The following PATJ variants were observed in gnomAD, a reference collection of about 807,000 sequenced individuals.
PATJ encodes PATJ crumbs cell polarity complex component.
PATJ carries 190 observed loss-of-function variants against 224.9 expected under a neutral mutation model. The observed-to-expected ratio is 0.84, with a 90% CI of 0.75 to 0.95. The LOEUF (loss-of-function observed/expected upper bound fraction) is 0.95, where lower values mean the gene tolerates loss of function less well. PATJ is among the 40% of genes least tolerant of loss of function. The probability of loss-of-function intolerance (pLI) is 0.00; values close to 1 mark genes in which losing one functional copy is unlikely to be tolerated. For missense variants in PATJ, 2,121 were observed against 2,270.3 expected (o/e 0.93, Z 1.34); for synonymous variants, 769 against 820.3 (o/e 0.94, Z 1.07).
rs896510598 is a variant in PATJ, at chr1:62,125,259, A to C, written c.5043+2201A>C. Among the ~76,000 whole-genome samples the C allele has an allele frequency of 7.8e-3, 888 of 113,168 alleles. 24 individuals carry two copies. Among genetic ancestry groups the C allele is most frequent in the African/African-American group, 0.018 (493 of 27,710 alleles). The allele number at this position is 113,168 out of a possible 152,430, so 74.2% of individuals were successfully genotyped here. A position where few individuals can be genotyped will look rare whatever the true frequency, so the allele number is the denominator to read the frequency against. On this transcript the variant is annotated intron_variant, in intron 39 of 43. Transcript: ENST00000642238. The stretch of plus-strand genomic sequence containing the variant: ...CTCAAAAAAAAAAAAAAAAACAAAA[A>C]AAAACAAAAAAAAAACGCCATTAGC...
rs187536203 is a variant in PATJ, at chr1:62,124,321, G to T, written c.5043+1263G>T. 1.2e-4 allele frequency among the ~76,000 whole-genome samples: 18 copies of T among 152,096 alleles called. No individual in the cohort carries two copies. In the East Asian group the frequency reaches 3.1e-3, roughly 26 times the overall value. Reference sequence around the variant, plus strand: ...TGGTCTCGAACTCCTGCCCTCAATCGATCCGACCACCTCAGCCTTCTGAAG... The same window carrying T: ...TGGTCTCGAACTCCTGCCCTCAATCTATCCGACCACCTCAGCCTTCTGAAG... On this transcript the variant is annotated intron_variant, in intron 39 of 43. Transcript: ENST00000642238.
At chr1:61,888,358 C>T (rs571622949) in intron 22 of PATJ, among the ~76,000 whole-genome samples, 1 of 152,256 alleles carries the variant, frequency 6.6e-6, no homozygotes, top group African/African-American at 2.4e-5. Context: ...CTCACTGCAA[C>T]CTCCGCTTCC....
At chr1:62,157,840 AAAAAAAAAAAAAAAAT>A (rs1669395562) in intron 43 of PATJ, among the ~76,000 whole-genome samples, 2 of 124,972 alleles carry the variant, frequency 1.6e-5, no homozygotes, top group East Asian at 2.2e-4. Context: ...CCAAAAAAAA[AAAAAAAAAAAAAAAAT>A]AATCCAAGCC....
In PATJ at chr1:62,113,736, T is replaced by C. The variant is rs80353104; in HGVS notation, c.4462-317T>C. On this transcript the variant is annotated intron_variant, in intron 34 of 43. Transcript: ENST00000642238. The stretch of plus-strand genomic sequence containing the variant: ...CATTAATAGTTATTTCCCTTTTATC[T>C]CAATTAAATGAGCTAGTTAAGTCCC... Among the ~76,000 whole-genome samples, 471 of 152,358 alleles carry C rather than the reference T, an allele frequency of 3.1e-3. 16 individuals carry two copies. In the East Asian group the frequency reaches 0.08, roughly 26 times the overall value.
chr1:61,924,047 C>T (rs940608828), intron 26 of PATJ, among the ~76,000 whole-genome samples: 16 of 151,416 alleles, frequency 1.1e-4, no homozygotes, highest in African/African-American at 3.6e-4. Context: ...TTTTGCATTA[C>T]GTAGAGTGAA....
rs558553078 is a variant in PATJ at position 61,747,950 on chromosome 1, T to G, written c.-36+5395T>G. On this transcript the variant is annotated intron_variant, in intron 1 of 43. Transcript: ENST00000642238. ...TTTTTTGAGACACAGTTTCACTCTG[T>G]TGCGAAGGCTGGAGCCGCCTCCTGG... is the stretch of plus-strand genomic sequence containing the variant. 1.8e-3 allele frequency among the ~76,000 whole-genome samples: 267 copies of G among 152,360 alleles called. 2 individuals are homozygous for G. The highest frequency in any genetic ancestry group is 0.01 in the Middle Eastern group (3 of 294).
At chr1:61,853,316 C>T (rs1295129541) in intron 17 of PATJ, among the ~76,000 whole-genome samples, 2 of 152,056 alleles carry the variant, frequency 1.3e-5, no homozygotes, top group Non-Finnish European at 2.9e-5. Context: ...TTTTGAAAAC[C>T]TCCTCACCTA....
intron 31 of PATJ, among the ~76,000 whole-genome samples, chr1:62,074,625 G>T (rs973035093): frequency 6.6e-6 from 1 of 152,074 alleles, no homozygotes; most frequent in African/African-American, 2.4e-5. Context: ...TTTAAAAGCA[G>T]GTTTTGCTTG....
chr1:61,806,695 A>G (rs553019430), intron 13 of PATJ, among the ~76,000 whole-genome samples: 2 of 151,830 alleles, frequency 1.3e-5, no homozygotes, highest in African/African-American at 4.8e-5. Context: ...GTCAGTTCTC[A>G]TGAGCTGCTG....
intron 30 of PATJ, among the ~76,000 whole-genome samples, chr1:62,039,942 G>T (rs187450836): frequency 1.9e-3 from 286 of 151,898 alleles, no homozygotes; most frequent in Admixed American, 3.7e-3. Flanking sequence ...CTGGTTGGGG[G>T]GTGGGGGCCC....
intron 29 of PATJ, among the ~76,000 whole-genome samples, chr1:62,023,042 C>T (rs1346455613): frequency 6.6e-6 from 1 of 152,128 alleles, no homozygotes; most frequent in African/African-American, 2.4e-5. Flanking sequence ...ATAATCCCAG[C>T]ACTTAGGGAG....
At chr1:62,082,286 A>G (rs1313625341) in intron 32 of PATJ, among the ~76,000 whole-genome samples, 1 of 152,232 alleles carries the variant, frequency 6.6e-6, no homozygotes, top group Non-Finnish European at 1.5e-5. Flanking sequence ...AGATATGTGA[A>G]TACCCACAAT....
chr1:61,761,496 A>G (rs1253873416), intron 1 of PATJ, among the ~76,000 whole-genome samples: 1 of 152,164 alleles, frequency 6.6e-6, no homozygotes, highest in Non-Finnish European at 1.5e-5. Context: ...TTTATGTGAC[A>G]TGGGAGCCTT....
chr1:61,815,334 A>AGGGCCCCTT (rs1655885151), intron 14 of PATJ, among the ~76,000 whole-genome samples: 1 of 152,198 alleles, frequency 6.6e-6, no homozygotes, highest in African/African-American at 2.4e-5. Flanking sequence ...TAGGTGTTAA[A>AGGGCCCCTT]GGGCCCCTTG....
At chr1:62,079,962 A>T (rs577067771) in intron 32 of PATJ, among the ~76,000 whole-genome samples, 2 of 151,980 alleles carry the variant, frequency 1.3e-5, no homozygotes, top group East Asian at 3.9e-4. Context: ...CAGGAGGCAG[A>T]AGTTGCAGTA....
intron 22 of PATJ, among the ~76,000 whole-genome samples, chr1:61,896,821 T>C (rs1028263700): frequency 2.0e-5 from 3 of 152,172 alleles, no homozygotes; most frequent in Non-Finnish European, 2.9e-5. Context: ...GTGCACTCTC[T>C]CCTGCTGCCA....
intron 43 of PATJ, among the ~76,000 whole-genome samples, chr1:62,158,376 T>C (rs1476620345): frequency 6.7e-6 from 1 of 148,740 alleles, no homozygotes; most frequent in African/African-American, 2.4e-5. Flanking sequence ...CTCATGCCTG[T>C]AATCCCAGCA....
At chr1:61,884,849 ATAT>A (rs977650142) in intron 22 of PATJ, among the ~76,000 whole-genome samples, 5 of 152,170 alleles carry the variant, frequency 3.3e-5, no homozygotes, top group African/African-American at 1.2e-4. Context: ...CTTCAATATA[ATAT>A]TATAGGAGCA....
At chr1:61,798,438 A>C (rs2148564464) in intron 11 of PATJ, among the ~76,000 whole-genome samples, 1 of 152,140 alleles carries the variant, frequency 6.6e-6, no homozygotes, top group East Asian at 1.9e-4. Flanking sequence ...GGCTCAAGTG[A>C]TCCACCTGCC....
Sources: allele counts gnomAD v4.1 joint callset (sites outside exome capture counted in the v4.1 genomes callset), GRCh38; gene constraint gnomAD v4.1.1; transcripts MANE v1.5; gene names NCBI Gene and HGNC (gene_info 2026-07-23, HGNC 2026-07-21).